Variants in FLYWCH1 observed in about 807,000 individuals in gnomAD.
FLYWCH1 encodes the protein FLYWCH-type zinc finger-containing protein 1.
In FLYWCH1, 75 loss-of-function variants were observed where a neutral mutation model predicts 66.4. That is an observed-to-expected ratio of 1.13 (90% CI 0.94 to 1.37). The LOEUF is 1.37. Among genes scored for constraint, FLYWCH1 ranks in the 40% most tolerant of loss-of-function variants. The pLI is 0.00. For missense variants in FLYWCH1, 1,334 were observed against 1,001.8 expected (o/e 1.33, Z -4.48); for synonymous variants, 595 against 429.9 (o/e 1.38, Z -4.75).
chr16:2,936,677 C>T (rs1212556967), intron 6 of FLYWCH1: 2 of 461,760 alleles, frequency 4.3e-6, no homozygotes, highest in South Asian at 3.1e-5. Flanking sequence ...CCTCAGAGTC[C>T]TGGGGTCACA....
chr16:2,936,296 C>T (rs561164367), intron 6 of FLYWCH1: 2 of 423,306 alleles, frequency 4.7e-6, no homozygotes, highest in South Asian at 3.4e-5. Flanking sequence ...GGCGTCCCCA[C>T]CTTCGTCCTG....
At chr16:2,923,216 G>C in intron 2 of FLYWCH1, 1 of 325,264 alleles carries the variant, frequency 3.1e-6, no homozygotes, top group Non-Finnish European at 6.0e-6. Context: ...TCCCTTCTTC[G>C]CTTTCAGCGC....
chr16:2,916,815 G>T (rs968595537), intron 2 of FLYWCH1, among the ~76,000 whole-genome samples: 65 of 151,786 alleles, frequency 4.3e-4, no homozygotes, highest in African/African-American at 1.4e-3. Context: ...TACCCCTAAG[G>T]TTCCTGAAAC....
At chr16:2,934,616 C>T (rs886236751) in intron 6 of FLYWCH1, 13 of 456,640 alleles carry the variant, frequency 2.8e-5, no homozygotes, top group Admixed American at 1.6e-4. Flanking sequence ...CGCCCCAAGG[C>T]GCTGGCCTCT....
chr16:2,936,688 C>T (rs572225885), intron 6 of FLYWCH1: 12 of 463,480 alleles, frequency 2.6e-5, no homozygotes, highest in East Asian at 1.4e-4. Flanking sequence ...TGGGGTCACA[C>T]CTCTACCTGC....
chr16:2,922,196 G>A (rs556552655), intron 2 of FLYWCH1: 1 of 151,790 alleles, frequency 6.6e-6, no homozygotes, highest in African/African-American at 2.4e-5. Flanking sequence ...TTAGGGAAAT[G>A]GGGTGTTTTG....
Position 2,933,936 on chromosome 16 carries a change from G to T in FLYWCH1, c.1470G>T (p.Arg490Ser). Reference sequence around the variant, plus strand: ...ACCTGGGAGGCCTGGAGGCCCTGAGGCAGCGGGAGAAACGCCCCAACACGG... The same window carrying T: ...ACCTGGGAGGCCTGGAGGCCCTGAGTCAGCGGGAGAAACGCCCCAACACGG... ...PPDLGGLEAL[R>S]QREKRPNTAQ... Residue 490 changes from arginine to serine, a missense_variant, in exon 6 of 10, where the codon AGG (arginine) becomes AGT (serine). Physicochemically the swap from Arg to Ser is moderately radical, Grantham distance 110. Coordinates refer to ENST00000253928, the MANE Select transcript of FLYWCH1 (RefSeq NM_001308068.2). The T allele has an allele frequency of 6.4e-7, 1 of 1,565,834 alleles. No homozygotes were observed. Among genetic ancestry groups the T allele is most frequent in the Non-Finnish European group, 8.7e-7 (1 of 1,155,392 alleles).
chr16:2,938,822 C>G (rs1020308047), intron 8 of FLYWCH1, among the ~76,000 whole-genome samples: 6 of 151,640 alleles, frequency 4.0e-5, no homozygotes, highest in Non-Finnish European at 7.4e-5. Flanking sequence ...CCATGTTAGC[C>G]AGGATGGTCT....
rs1420565850 is a variant in FLYWCH1, at chr16:2,930,670, C to T, written c.586C>T (p.Pro196Ser). Residue 196 changes from proline to serine, a missense_variant, in exon 4 of 10, where the codon CCA becomes TCA. By Grantham distance (74) the Pro-to-Ser change is moderately conservative (BLOSUM62 -1). Coordinates refer to ENST00000253928, the MANE Select transcript of FLYWCH1 (RefSeq NM_001308068.2). ...GGAGAAACTGCCCAGCCTGGCCCTG[C>T]CAGAGGGCTTGGGAGAGCCCCAGGG... ...QREKLPSLAL[P>S]EGLGEPQGPE... 2 of 1,545,314 alleles carry T rather than the reference C, an allele frequency of 1.3e-6. No homozygotes were observed. Among genetic ancestry groups the T allele is most frequent in the Admixed American group, 2.0e-5 (1 of 50,806 alleles).
At chr16:2,948,578 A>T in intron 9 of FLYWCH1, 110 bp from the exon 10 acceptor site, 2 of 1,134,336 alleles carry the variant, frequency 1.8e-6, no homozygotes, top group Non-Finnish European at 2.6e-6. Flanking sequence ...TAAATGTTCT[A>T]GACTGTGGCA....
At position 2,946,316 on chromosome 16, in the gene FLYWCH1, C is replaced by CTTTTTT. The variant is rs58279573; in HGVS notation, c.2112-2354_2112-2349dup. ...TCATGCCCTGTATAGGTGGGCTGTA[C>CTTTTTT]TTTTTTTTTTTTTTTTTTTTTTTGA... On this transcript the variant is annotated intron_variant, in intron 9 of 9. Transcript: ENST00000253928. Among the ~76,000 whole-genome samples, 59 of 75,540 alleles carry CTTTTTT rather than the reference C, an allele frequency of 7.8e-4. 1 individual carries two copies. The highest frequency in any genetic ancestry group is 1.9e-3 in the East Asian group (5 of 2,572). 49.6% of individuals were successfully genotyped at this position (75,540 alleles called of 152,430 possible).
At position 2,940,074 on chromosome 16, in the gene FLYWCH1, A is replaced by G; in HGVS notation, c.2093A>G (p.Glu698Gly). The part of the protein sequence containing the change: ...VQLCFKTCSP[E>G]SQQIYGDIKD... Reference sequence around the variant, plus strand: ...CTGTGCTTCAAGACGTGTTCTCCTGAAAGCCAGCAGATTTATGGGTAATTG... The same window carrying G: ...CTGTGCTTCAAGACGTGTTCTCCTGGAAGCCAGCAGATTTATGGGTAATTG... The change falls in exon 9 of 10, where the codon GAA (glutamate) becomes GGA (glycine). Residue 698 changes from glutamate (E) to glycine (G), a missense_variant. Coordinates refer to ENST00000253928, the MANE Select transcript of FLYWCH1 (RefSeq NM_001308068.2). 6.8e-7 allele frequency: 1 copy of G among 1,461,416 alleles called. No homozygotes were observed. Among genetic ancestry groups the G allele is most frequent in the African/African-American group, 1.4e-5 (1 of 71,926 alleles). The allele number at this position is 1,461,416 out of a possible 1,614,324, so 90.5% of individuals were successfully genotyped here. A position where few individuals can be genotyped will look rare whatever the true frequency, so the allele number is the denominator to read the frequency against.
rs549842103 is a variant in FLYWCH1, at chr16:2,930,895, C to T, written c.796+15C>T. On this transcript the variant is annotated intron_variant, in intron 4 of 9. Transcript: ENST00000253928. ...CCTGGGGCTGGGTGAGTACAATCCA[C>T]TCCCCTGCTGCGTCCACTCGGGGCA... The T allele has an allele frequency of 3.8e-6, 6 of 1,567,550 alleles. No homozygotes were observed. In the Admixed American group the frequency reaches 5.5e-5, roughly 14 times the overall value.
At chr16:2,941,188 C>T in intron 9 of FLYWCH1, among the ~76,000 whole-genome samples, 1 of 152,186 alleles carries the variant, frequency 6.6e-6, no homozygotes, top group Non-Finnish European at 1.5e-5. Flanking sequence ...CATGGTGGCT[C>T]ACGCCTGTAA....
intron 2 of FLYWCH1, among the ~76,000 whole-genome samples, chr16:2,918,717 A>C (rs1458751285): frequency 6.6e-6 from 1 of 152,204 alleles, no homozygotes; most frequent in African/African-American, 2.4e-5. Flanking sequence ...CTGGGATTAG[A>C]GGCGTGAACC....
intron 4 of FLYWCH1, 77 bp from the exon 5 acceptor site, chr16:2,933,053 C>T (rs1248121098): frequency 1.5e-6 from 2 of 1,310,098 alleles, no homozygotes; most frequent in African/African-American, 2.9e-5. Context: ...CGTGTCAGCC[C>T]CCACAGTCTG....
intron 2 of FLYWCH1, among the ~76,000 whole-genome samples, chr16:2,919,168 C>G (rs572481143): frequency 6.6e-6 from 1 of 152,294 alleles, no homozygotes; most frequent in East Asian, 1.9e-4. Context: ...ATCCACCCAC[C>G]TCAGCCTCCC....
At chr16:2,912,805 A>G (rs2070036271) in intron 1 of FLYWCH1, among the ~76,000 whole-genome samples, 1 of 152,174 alleles carries the variant, frequency 6.6e-6, no homozygotes, top group African/African-American at 2.4e-5. Flanking sequence ...CCCTCGCTCT[A>G]AACCCTGCCT....
Position 2,929,728 on chromosome 16 carries a change from A to G in FLYWCH1, c.43A>G (p.Lys15Glu), listed in dbSNP as rs1487342736. 2 of 1,613,524 alleles carry G rather than the reference A, an allele frequency of 1.2e-6. No homozygotes were observed. The highest frequency in any genetic ancestry group is 1.7e-6 in the Non-Finnish European group (2 of 1,179,798). ...CAGCGAGCAGGAGGGCGAGAGTGTG[A>G]AGGCCGGCCAGGAGCCATCCCCCAA... is the stretch of plus-strand genomic sequence containing the variant. Reference protein sequence around the residue: ...EPSEQEGESVKAGQEPSPKPG... With the variant: ...EPSEQEGESVEAGQEPSPKPG... The change falls in exon 3 of 10, where the codon AAG becomes GAG. Residue 15 changes from lysine (K) to glutamate (E), a missense_variant. Coordinates refer to ENST00000253928, the MANE Select transcript of FLYWCH1 (RefSeq NM_001308068.2).
Sources: gnomAD v4.1 joint callset for allele counts (sites outside exome capture counted in the v4.1 genomes callset) on GRCh38, gnomAD v4.1.1 for gene constraint, MANE v1.5 for transcripts, NCBI Gene and HGNC (gene_info 2026-07-23, HGNC 2026-07-21) for gene names.